Variants in ALK observed in about 807,000 individuals in gnomAD.
The protein encoded by ALK is ALK receptor tyrosine kinase.
Under a neutral mutation model 163.1 loss-of-function variants are expected in ALK, and 74 were observed. The ratio of observed to expected loss-of-function variants is 0.45; its 90% confidence interval spans 0.38 to 0.55. The LOEUF is 0.55. ALK is among the 20% of genes least tolerant of loss of function. The probability of loss-of-function intolerance (pLI) is 0.00; values close to 1 mark genes in which losing one functional copy is unlikely to be tolerated. For synonymous variants in ALK, 960 were observed against 843.2 expected (o/e 1.14, Z -2.40); for missense variants, 2,063 against 2,105.3 (o/e 0.98, Z 0.39).
intron 4 of ALK, among the ~76,000 whole-genome samples, chr2:29,510,225 C>T (rs1054644501): frequency 6.6e-6 from 1 of 152,206 alleles, no homozygotes; most frequent in Admixed American, 6.5e-5. Flanking sequence ...TCCTTTAATT[C>T]CTTCATCTGG....
chr2:29,770,599 G>A (rs1441120222), intron 1 of ALK, among the ~76,000 whole-genome samples: 6 of 152,184 alleles, frequency 3.9e-5, no homozygotes, highest in Non-Finnish European at 7.3e-5. Context: ...TATTTAATAT[G>A]CTGAGAGATT....
At chr2:29,798,670 C>T (rs552111309) in intron 1 of ALK, among the ~76,000 whole-genome samples, 93 of 152,376 alleles carry the variant, frequency 6.1e-4, no homozygotes, top group African/African-American at 2.2e-3. Context: ...ACCCTCTATG[C>T]TTCCATGGAC....
At chr2:29,770,087 G>C (rs551359940) in intron 1 of ALK, among the ~76,000 whole-genome samples, 11 of 152,292 alleles carry the variant, frequency 7.2e-5, no homozygotes, top group Admixed American at 6.5e-4. Context: ...AGAGACCAAA[G>C]GCTTCTTTAC....
At chr2:29,512,874 A>G (rs923311269) in intron 4 of ALK, among the ~76,000 whole-genome samples, 4 of 149,152 alleles carry the variant, frequency 2.7e-5, no homozygotes, top group African/African-American at 1.0e-4. Flanking sequence ...AGAGAGCCAA[A>G]TCATGAGTGA....
chr2:29,588,051 G>A (rs1362540002), intron 3 of ALK, among the ~76,000 whole-genome samples: 1 of 152,114 alleles, frequency 6.6e-6, no homozygotes, highest in Non-Finnish European at 1.5e-5. Flanking sequence ...ATCCTGGACA[G>A]ATTTACTTTG....
At chr2:29,898,196 G>A (rs1488224419) in intron 1 of ALK, among the ~76,000 whole-genome samples, 1 of 152,196 alleles carries the variant, frequency 6.6e-6, no homozygotes, top group Non-Finnish European at 1.5e-5. Context: ...TCCATAGCAG[G>A]CCTGTCTGAT....
At position 29,222,377 on chromosome 2, in the gene ALK, T is replaced by G. The variant is rs1242363681; in HGVS notation, c.3482A>C (p.Glu1161Ala). ...TLPEVCSEQDELDFLMEALII... is the reference protein window; with the variant it reads ...TLPEVCSEQDALDFLMEALII... ...CAGGGCTTCCATGAGGAAATCCAGT[T>G]CGTCCTGTTCAGAGCACACTTCAGG... The change falls in exon 22 of 29, where the codon GAA (glutamate) becomes GCA (alanine). Residue 1161 changes from glutamate (E) to alanine (A), a missense_variant. Glu to Ala is a moderately radical substitution (Grantham distance 107). Transcript: ENST00000389048. The G allele has an allele frequency of 4.3e-6, 7 of 1,613,970 alleles. No homozygotes were observed. The highest frequency in any genetic ancestry group is 5.9e-6 in the Non-Finnish European group (7 of 1,180,014).
At chr2:29,711,203 C>A (rs1195513086) in intron 2 of ALK, among the ~76,000 whole-genome samples, 2 of 152,206 alleles carry the variant, frequency 1.3e-5, no homozygotes, top group Admixed American at 1.3e-4. Flanking sequence ...GTAACTGTCT[C>A]TCCAGCCTCA....
At chr2:29,655,323 T>A (rs1185977185) in intron 3 of ALK, among the ~76,000 whole-genome samples, 1 of 152,108 alleles carries the variant, frequency 6.6e-6, no homozygotes, top group Non-Finnish European at 1.5e-5. Flanking sequence ...TGAACCTAAT[T>A]AATGGTTTTG....
chr2:29,909,502 G>C (rs1230295335), intron 1 of ALK, among the ~76,000 whole-genome samples: 1 of 151,430 alleles, frequency 6.6e-6, no homozygotes, highest in African/African-American at 2.4e-5. Flanking sequence ...GAGAGAGAGA[G>C]AGAGAGAGAG....
intron 1 of ALK, among the ~76,000 whole-genome samples, chr2:29,785,912 TACACACACACACACACACACACACAC>T (rs10524599): frequency 2.3e-4 from 34 of 146,622 alleles, no homozygotes; most frequent in Non-Finnish European, 3.9e-4. Context: ...TTTTTGAGTA[TACACACACACACACACACACACACAC>T]ACACACACAC....
chr2:29,759,771 A>G (rs1189725068), intron 1 of ALK, among the ~76,000 whole-genome samples: 1 of 152,242 alleles, frequency 6.6e-6, no homozygotes. Flanking sequence ...CTGAGTATTT[A>G]TTTAACACTG....
At chr2:29,317,804 G>T (rs1013126562) in intron 8 of ALK, among the ~76,000 whole-genome samples, 1 of 68,814 alleles carries the variant, frequency 1.5e-5, no homozygotes, top group Non-Finnish European at 3.8e-5. Context: ...AAGGAACAGG[G>T]CGCCAGTCCC....
chr2:29,267,326 C>T (rs1665247326), intron 11 of ALK, among the ~76,000 whole-genome samples: 2 of 152,198 alleles, frequency 1.3e-5, no homozygotes. Flanking sequence ...TTACGAGAGA[C>T]TATGAAGTGG....
At chr2:29,573,587 C>T (rs6719019) in intron 3 of ALK, among the ~76,000 whole-genome samples, 147,810 of 152,312 alleles carry the variant, frequency 0.97, 71,887 homozygotes, top group East Asian at 1. Flanking sequence ...ACCAAAATTT[C>T]ACTGGAACAC....
At chr2:29,207,318 T>C (rs747078531) in intron 25 of ALK, 46 bp from the exon 26 acceptor site, 1 of 1,424,700 alleles carries the variant, frequency 7.0e-7, no homozygotes, top group Non-Finnish European at 9.9e-7. Flanking sequence ...GGAGATGGCA[T>C]TAAGCATCTG....
At chr2:29,361,678 G>C (rs1668391696) in intron 5 of ALK, among the ~76,000 whole-genome samples, 1 of 152,148 alleles carries the variant, frequency 6.6e-6, no homozygotes, top group Non-Finnish European at 1.5e-5. Flanking sequence ...GCAATTTGGG[G>C]TCACCATGTA....
chr2:29,336,871 A>G (rs963780147), intron 5 of ALK, among the ~76,000 whole-genome samples: 4 of 152,142 alleles, frequency 2.6e-5, no homozygotes, highest in African/African-American at 9.7e-5. Context: ...ACACTCGTTA[A>G]AGGAGGAAAT....
chr2:29,212,377 T>TG (rs1289844031), intron 24 of ALK, among the ~76,000 whole-genome samples: 1 of 152,110 alleles, frequency 6.6e-6, no homozygotes, highest in African/African-American at 2.4e-5. Flanking sequence ...GGGAAAGGGC[T>TG]GAAAAACTAC....
Sources: allele counts gnomAD v4.1 joint callset (sites outside exome capture counted in the v4.1 genomes callset), GRCh38; gene constraint gnomAD v4.1.1; transcripts MANE v1.5; gene names NCBI Gene and HGNC (gene_info 2026-07-23, HGNC 2026-07-21).